Variants in GLRA2 observed in about 807,000 individuals in gnomAD.
GLRA2 encodes the protein glycine receptor alpha 2.
Under a neutral mutation model 31.6 loss-of-function variants are expected in GLRA2, and 11 were observed. That is an observed-to-expected ratio of 0.35 (90% CI 0.22 to 0.58). The LOEUF (loss-of-function observed/expected upper bound fraction) is 0.58. Ranked by LOEUF, GLRA2 falls within the 20% of genes least tolerant of loss-of-function variation. The probability of loss-of-function intolerance (pLI) is 0.84; values close to 1 mark genes in which losing one functional copy is unlikely to be tolerated. For synonymous variants in GLRA2, 132 were observed against 134.0 expected (o/e 0.99, Z 0.10); for missense variants, 212 against 351.8 (o/e 0.60, Z 3.18).
the GLRA2 span, among the ~76,000 whole-genome samples, chrX:14,459,844 C>G: frequency 1.8e-5 from 2 of 111,895 alleles, no homozygotes; most frequent in Admixed American, 9.5e-5. Context: ...TTCTCTCTTC[C>G]TGTTTGAATA....
At chrX:14,517,377 T>C in the GLRA2 span, among the ~76,000 whole-genome samples, 1 of 112,109 alleles carries the variant, frequency 8.9e-6, no homozygotes, top group Non-Finnish European at 1.9e-5. Flanking sequence ...GACTGGGTAA[T>C]TTATAAAGGA....
the GLRA2 span, among the ~76,000 whole-genome samples, chrX:14,491,267 T>C: frequency 8.9e-6 from 1 of 111,832 alleles, no homozygotes; most frequent in South Asian, 3.7e-4. Flanking sequence ...AGGATCATAT[T>C]TTTACCTACA....
the GLRA2 span, among the ~76,000 whole-genome samples, chrX:14,469,483 G>A: frequency 9.3e-6 from 1 of 107,814 alleles, no homozygotes; most frequent in Non-Finnish European, 1.9e-5. Context: ...AAGAAAATGT[G>A]GCACATATAC....
chrX:14,471,974 C>T, the GLRA2 span, among the ~76,000 whole-genome samples: 2 of 111,497 alleles, frequency 1.8e-5, no homozygotes, highest in Admixed American at 1.9e-4. Context: ...GCTTCTTTAC[C>T]TCATGTTCCA....
chrX:14,505,615 C>A, the GLRA2 span, among the ~76,000 whole-genome samples: 1 of 111,795 alleles, frequency 8.9e-6, no homozygotes, highest in Non-Finnish European at 1.9e-5. Context: ...TCTGAATGTC[C>A]TTTTATTTCT....
intron 7 of GLRA2, among the ~76,000 whole-genome samples, chrX:14,615,816 G>C (rs1379878799): frequency 9.0e-6 from 1 of 111,694 alleles, no homozygotes; most frequent in Non-Finnish European, 1.9e-5. Context: ...TGTGTTTATT[G>C]ATTCCAAGTT....
At chrX:14,718,701 A>G (rs749686042) in intron 8 of GLRA2, among the ~76,000 whole-genome samples, 1 of 112,063 alleles carries the variant, frequency 8.9e-6, no homozygotes, top group Non-Finnish European at 1.9e-5. Context: ...CAGAGTGCCT[A>G]CACATAGTCT....
At chrX:14,452,259 GT>G in the GLRA2 span, among the ~76,000 whole-genome samples, 46 of 112,094 alleles carry the variant, frequency 4.1e-4, no homozygotes, top group African/African-American at 1.5e-3. Context: ...ACAGTCAACA[GT>G]TTTTTTTCTT....
chrX:14,578,425 A>G (rs771913684), intron 3 of GLRA2, among the ~76,000 whole-genome samples: 1 of 111,860 alleles, frequency 8.9e-6, no homozygotes, highest in South Asian at 3.8e-4. Context: ...GAGTATTTTT[A>G]TGTATCATTA....
chrX:14,523,077 T>C, the GLRA2 span, among the ~76,000 whole-genome samples: 2 of 112,275 alleles, frequency 1.8e-5, no homozygotes, highest in Admixed American at 9.4e-5. Context: ...TTCATCTACA[T>C]TGAAAATCTG....
intron 1 of GLRA2, among the ~76,000 whole-genome samples, 162 bp from the exon 2 acceptor site, chrX:14,532,077 G>A (rs2089263137): frequency 8.9e-6 from 1 of 112,248 alleles, no homozygotes; most frequent in South Asian, 3.6e-4. Context: ...TTTAGAACAT[G>A]TACAAGTTCA....
intron 3 of GLRA2, among the ~76,000 whole-genome samples, chrX:14,580,745 G>C (rs184458067): frequency 8.9e-6 from 1 of 111,784 alleles, no homozygotes; most frequent in Admixed American, 9.5e-5. Context: ...CTCAAATTAC[G>C]CAGTGGGTTT....
chrX:14,587,230 A>G (rs1205429944), intron 4 of GLRA2, among the ~76,000 whole-genome samples: 3 of 112,258 alleles, frequency 2.7e-5, no homozygotes, highest in South Asian at 7.3e-4. Context: ...CATGTCTGCT[A>G]TTGTGGATAG....
the GLRA2 span, among the ~76,000 whole-genome samples, chrX:14,487,473 A>G: frequency 1.9e-5 from 2 of 106,817 alleles, no homozygotes; most frequent in African/African-American, 3.4e-5. Flanking sequence ...TTTACTTCCT[A>G]TGGATTTCGT....
intron 7 of GLRA2, among the ~76,000 whole-genome samples, chrX:14,645,661 C>T (rs1227221056): frequency 8.9e-6 from 1 of 112,076 alleles, no homozygotes; most frequent in Non-Finnish European, 1.9e-5. Flanking sequence ...GAAACCAGAG[C>T]AAGAACACAC....
intron 4 of GLRA2, among the ~76,000 whole-genome samples, chrX:14,600,861 A>G (rs1355384211): frequency 1.8e-5 from 2 of 111,385 alleles, no homozygotes; most frequent in African/African-American, 3.2e-5. Context: ...ATGAATGAAC[A>G]TATTTTTGTA....
intron 7 of GLRA2, among the ~76,000 whole-genome samples, chrX:14,634,165 T>C (rs1234441118): frequency 9.0e-6 from 1 of 111,088 alleles, no homozygotes; most frequent in Non-Finnish European, 1.9e-5. Flanking sequence ...GCCAGGCTGG[T>C]CTCAAACACC....
intron 7 of GLRA2, among the ~76,000 whole-genome samples, chrX:14,687,236 AT>A (rs1467788316): frequency 9.0e-6 from 1 of 110,914 alleles, no homozygotes; most frequent in East Asian, 2.8e-4. Flanking sequence ...TGCCCTTAAC[AT>A]TTTTTCCTTC....
At chrX:14,625,577 T>G (rs2090579296) in intron 7 of GLRA2, among the ~76,000 whole-genome samples, 1 of 111,643 alleles carries the variant, frequency 9.0e-6, no homozygotes, top group Non-Finnish European at 1.9e-5. Context: ...TGCTTGTCTG[T>G]AAAGTAGATT....
Sources: gnomAD v4.1 joint callset for allele counts (sites outside exome capture counted in the v4.1 genomes callset) on GRCh38, gnomAD v4.1.1 for gene constraint, MANE v1.5 for transcripts, NCBI Gene and HGNC (gene_info 2026-07-23, HGNC 2026-07-21) for gene names.